The following PRKD1 variants were observed in gnomAD, a reference collection of about 807,000 sequenced individuals.
The protein encoded by PRKD1 is protein kinase D1.
PRKD1 carries 63 observed loss-of-function variants against 95.9 expected under a neutral mutation model. The ratio of observed to expected loss-of-function variants is 0.66; its 90% confidence interval spans 0.54 to 0.81. PRKD1 has a LOEUF of 0.81. Among genes scored for constraint, PRKD1 ranks in the 30% least tolerant of loss-of-function variants. The pLI is 0.00. For missense variants in PRKD1, 1,048 were observed against 1,165.3 expected (o/e 0.90, Z 1.47); for synonymous variants, 425 against 423.1 (o/e 1.00, Z -0.05).
At chr14:29,892,176 T>C (rs2151746) in intron 1 of PRKD1, among the ~76,000 whole-genome samples, 63,916 of 152,034 alleles carry the variant, frequency 0.42, 14,149 homozygotes, top group African/African-American at 0.56. Context: ...TTAATTTCCT[T>C]CATTTTAGCA....
chr14:29,820,814 T>C (rs1428304379), intron 1 of PRKD1, among the ~76,000 whole-genome samples: 1 of 152,182 alleles, frequency 6.6e-6, no homozygotes, highest in Non-Finnish European at 1.5e-5. Context: ...GCAGTTAACA[T>C]GTAATTGCCA....
chr14:29,639,525 A>T (rs1321613480), intron 4 of PRKD1, among the ~76,000 whole-genome samples: 1 of 152,148 alleles, frequency 6.6e-6, no homozygotes, highest in Non-Finnish European at 1.5e-5. Context: ...ATGCTGAAGC[A>T]GGAGAATTGC....
At position 29,630,800 on chromosome 14, in the gene PRKD1, A is replaced by G. The variant is rs1276810854; in HGVS notation, c.1614T>C (p.His538=). 2 of 1,614,132 alleles carry G rather than the reference A, an allele frequency of 1.2e-6. No individual in the cohort carries two copies. Among genetic ancestry groups the G allele is most frequent in the Middle Eastern group, 1.6e-4 (1 of 6,062 alleles). The change falls in exon 10 of 18, where the codon CAT becomes CAC. Residue 538 remains histidine (H), a synonymous_variant. Transcript: ENST00000331968. ...VARMWEIAIQ[H]ALMPVIPKGS... is the part of the protein sequence containing the mutation. The stretch of plus-strand genomic sequence containing the variant: ...CCTTGGGAATGACGGGCATAAGGGC[A>G]TGCTGGATGGCTATCTCCCACATCC...
intron 1 of PRKD1, among the ~76,000 whole-genome samples, chr14:29,763,428 A>G (rs1385596265): frequency 1.4e-5 from 1 of 69,016 alleles, no homozygotes; most frequent in Non-Finnish European, 2.6e-5. Context: ...AGGGGAAGGG[A>G]GGGGGAGGGA....
At chr14:29,819,766 A>G (rs913672332) in intron 1 of PRKD1, among the ~76,000 whole-genome samples, 11 of 152,234 alleles carry the variant, frequency 7.2e-5, no homozygotes, top group Admixed American at 5.9e-4. Flanking sequence ...GTTTAGATGA[A>G]TCTAGGTAAA....
intron 1 of PRKD1, among the ~76,000 whole-genome samples, chr14:29,881,286 GGGTT>G (rs1893502421): frequency 6.6e-6 from 1 of 152,168 alleles, no homozygotes; most frequent in Non-Finnish European, 1.5e-5. Context: ...AAGATCTGAT[GGGTT>G]TATCAGGGGC....
At chr14:29,892,782 T>C (rs866139739) in intron 1 of PRKD1, among the ~76,000 whole-genome samples, 8 of 152,168 alleles carry the variant, frequency 5.3e-5, no homozygotes, top group African/African-American at 1.7e-4. Flanking sequence ...AGAATAAATA[T>C]GAATAGTCAC....
intron 1 of PRKD1, among the ~76,000 whole-genome samples, chr14:29,734,119 T>C (rs947795204): frequency 3.0e-5 from 4 of 135,152 alleles, no homozygotes; most frequent in Non-Finnish European, 4.6e-5. Context: ...CTTGGCTCAC[T>C]GCAACCTCCG....
chr14:29,772,228 T>C (rs2139141154), intron 1 of PRKD1, among the ~76,000 whole-genome samples: 1 of 152,290 alleles, frequency 6.6e-6, no homozygotes, highest in East Asian at 1.9e-4. Context: ...TTTGTGTCCC[T>C]CTAAAATTCA....
At chr14:29,818,982 T>C (rs1890800735) in intron 1 of PRKD1, among the ~76,000 whole-genome samples, 1 of 151,810 alleles carries the variant, frequency 6.6e-6, no homozygotes, top group Non-Finnish European at 1.5e-5. Flanking sequence ...AATCCCAAAA[T>C]AAGAAATTTC....
At chr14:29,726,951 C>T (rs1235171425) in intron 1 of PRKD1, among the ~76,000 whole-genome samples, 2 of 151,950 alleles carry the variant, frequency 1.3e-5, no homozygotes, top group Non-Finnish European at 2.9e-5. Flanking sequence ...ATTTCTAGTT[C>T]TAGATCCCTG....
chr14:29,676,944 G>A (rs945908435), intron 2 of PRKD1, among the ~76,000 whole-genome samples: 17 of 152,066 alleles, frequency 1.1e-4, no homozygotes, highest in Admixed American at 2.6e-4. Context: ...TTAAAAATTC[G>A]GTTCCTCAGT....
chr14:29,892,068 C>A (rs1893955959), intron 1 of PRKD1, among the ~76,000 whole-genome samples: 1 of 152,166 alleles, frequency 6.6e-6, no homozygotes, highest in African/African-American at 2.4e-5. Context: ...TTTCATCAAG[C>A]CTTATGTCCT....
At chr14:29,864,908 T>C (rs1033684490) in intron 1 of PRKD1, among the ~76,000 whole-genome samples, 1 of 152,182 alleles carries the variant, frequency 6.6e-6, no homozygotes, top group African/African-American at 2.4e-5. Context: ...GTCTAATCTT[T>C]AAGCCACATG....
At chr14:29,870,169 A>C (rs1893052758) in intron 1 of PRKD1, among the ~76,000 whole-genome samples, 1 of 152,208 alleles carries the variant, frequency 6.6e-6, no homozygotes, top group Non-Finnish European at 1.5e-5. Context: ...TAAGATGAGC[A>C]AAAGCACACC....
chr14:29,807,030 C>T (rs1266491939), intron 1 of PRKD1, among the ~76,000 whole-genome samples: 1 of 151,944 alleles, frequency 6.6e-6, no homozygotes, highest in African/African-American at 2.4e-5. Context: ...TTAAAAAATG[C>T]ACATGCCTCA....
chr14:29,833,889 G>GA (rs111670049), intron 1 of PRKD1, among the ~76,000 whole-genome samples: 9 of 148,864 alleles, frequency 6.0e-5, no homozygotes, highest in Admixed American at 1.3e-4. Flanking sequence ...CAGCGAGCCT[G>GA]AAAAAAAAAG....
chr14:29,759,273 A>C (rs1887860510), intron 1 of PRKD1, among the ~76,000 whole-genome samples: 1 of 152,176 alleles, frequency 6.6e-6, no homozygotes, highest in Non-Finnish European at 1.5e-5. Context: ...AAAAATGAAC[A>C]AAGAGAGTAA....
At chr14:29,761,297 G>T (rs1953723) in intron 1 of PRKD1, among the ~76,000 whole-genome samples, 31,750 of 152,134 alleles carry the variant, frequency 0.21, 3,479 homozygotes, top group South Asian at 0.27. Context: ...GTAGAGCATT[G>T]TAAGAACAAG....
Sources: gnomAD v4.1 joint callset for allele counts (sites outside exome capture counted in the v4.1 genomes callset) on GRCh38, gnomAD v4.1.1 for gene constraint, MANE v1.5 for transcripts, NCBI Gene and HGNC (gene_info 2026-07-23, HGNC 2026-07-21) for gene names.